Variants in INSR observed in about 807,000 individuals in gnomAD.
The protein encoded by INSR is IR.
Under a neutral mutation model 142.6 loss-of-function variants are expected in INSR, and 67 were observed. The observed-to-expected ratio is 0.47, with a 90% CI of 0.39 to 0.58. The LOEUF (loss-of-function observed/expected upper bound fraction) is 0.58, where lower values mean the gene tolerates loss of function less well. INSR is among the 20% of genes least tolerant of loss of function. INSR has a pLI of 0.00. For missense variants in INSR, 1,248 were observed against 1,833.2 expected (o/e 0.68, Z 5.83); for synonymous variants, 756 against 743.1 (o/e 1.02, Z -0.28).
chr19:7,143,345 T>C (rs991031080), intron 11 of INSR, among the ~76,000 whole-genome samples: 8 of 152,100 alleles, frequency 5.3e-5, no homozygotes, highest in Non-Finnish European at 1.2e-4. Flanking sequence ...CCGTCAATGG[T>C]AGACACACAC....
At chr19:7,283,065 C>T (rs549642592) in intron 1 of INSR, among the ~76,000 whole-genome samples, 10 of 151,764 alleles carry the variant, frequency 6.6e-5, no homozygotes, top group Admixed American at 2.0e-4. Flanking sequence ...TGGTAGCACA[C>T]GCCTGTAGTG....
At chr19:7,142,748 G>C in intron 12 of INSR, 68 bp downstream of exon 12, 1 of 1,569,732 alleles carries the variant, frequency 6.4e-7, no homozygotes, top group Non-Finnish European at 8.7e-7. Flanking sequence ...TTAGAGGGTG[G>C]AGAATCTGTC....
intron 2 of INSR, among the ~76,000 whole-genome samples, chr19:7,193,486 T>A (rs1203373856): frequency 6.7e-6 from 1 of 150,116 alleles, no homozygotes; most frequent in Non-Finnish European, 1.5e-5. Flanking sequence ...CACTCCAGCC[T>A]GGCGACAGAG....
At chr19:7,249,487 G>A (rs1000639465) in intron 2 of INSR, among the ~76,000 whole-genome samples, 4 of 152,130 alleles carry the variant, frequency 2.6e-5, no homozygotes, top group Admixed American at 6.6e-5. Flanking sequence ...TTTTACCGCA[G>A]AACCGAATTC....
In INSR at chr19:7,192,293, AAAAGAAAAGAAAAG is replaced by A. The variant is rs1428320447; in HGVS notation, c.653-7670_653-7657del. On this transcript the variant is annotated intron_variant, in intron 2 of 21. Transcript: ENST00000302850. This position sits in a 1 kb window ranked among gnomAD's most constrained non-coding sequence, Gnocchi z 4.2. ...AAAAGAAAAGAAAAGAAAAGAAAAG[AAAAGAAAAGAAAAG>A]AAAAAAATCACAGGCAGCCCAGGCT... 1.5e-3 allele frequency among the ~76,000 whole-genome samples: 214 copies of A among 146,644 alleles called. No homozygotes were observed. Among genetic ancestry groups the A allele is most frequent in the African/African-American group, 5.3e-3 (204 of 38,492 alleles).
intron 2 of INSR, among the ~76,000 whole-genome samples, chr19:7,204,034 C>T (rs1229440776): frequency 1.3e-5 from 2 of 151,976 alleles, no homozygotes; most frequent in Admixed American, 1.3e-4. Context: ...AGGCTCCCGG[C>T]TCACTGCAAT....
At chr19:7,238,763 C>T (rs1976242859) in intron 2 of INSR, among the ~76,000 whole-genome samples, 1 of 151,804 alleles carries the variant, frequency 6.6e-6, no homozygotes, top group African/African-American at 2.4e-5. Context: ...CCTCCATATT[C>T]CTCACTGGAA....
intron 1 of INSR, among the ~76,000 whole-genome samples, chr19:7,269,279 C>T (rs564238873): frequency 3.9e-4 from 58 of 149,010 alleles, no homozygotes; most frequent in South Asian, 2.1e-4. Context: ...ACAATAACAA[C>T]GACAAAACAC....
rs1435870338 is a variant in INSR, at chr19:7,159,642, C to T, written c.2029+3390G>A. The stretch of plus-strand genomic sequence containing the variant: ...TTACAGCGGAGCTGATGACTGGACT[C>T]GCCCTGGAGTTATATAAAGCATCAG... On this transcript the variant is annotated intron_variant, in intron 9 of 21. Coordinates refer to ENST00000302850, the MANE Select transcript of INSR (RefSeq NM_000208.4). This position sits in a 1 kb window ranked among gnomAD's most constrained non-coding sequence, Gnocchi z 4.3. The T allele has an allele frequency of 6.6e-6, 1 of 152,122 alleles. No homozygotes were observed. Among genetic ancestry groups the T allele is most frequent in the African/African-American group, 2.4e-5 (1 of 41,406 alleles). The allele number at this position is 152,122 out of a possible 1,614,324, so 9.4% of individuals were successfully genotyped here.
chr19:7,178,296 A>G (rs1424564982), intron 3 of INSR, among the ~76,000 whole-genome samples: 1 of 149,920 alleles, frequency 6.7e-6, no homozygotes, highest in African/African-American at 2.5e-5. Context: ...ACCAGAAAGA[A>G]CAACCCTGTG....
At chr19:7,248,784 G>C (rs1168105679) in intron 2 of INSR, among the ~76,000 whole-genome samples, 8 of 83,128 alleles carry the variant, frequency 9.6e-5, no homozygotes, top group Non-Finnish European at 1.6e-4. Context: ...TTGAGACGGA[G>C]TCTCACTCTG....
chr19:7,292,510 TGACA>T (rs1332538111), intron 1 of INSR, among the ~76,000 whole-genome samples: 16 of 151,670 alleles, frequency 1.1e-4, no homozygotes, highest in African/African-American at 3.4e-4. Flanking sequence ...ATTATGTGAT[TGACA>T]GAGTCGACTC....
intron 13 of INSR, among the ~76,000 whole-genome samples, chr19:7,138,056 T>C (rs369668340): frequency 0.018 from 2,722 of 150,390 alleles, 47 homozygotes; most frequent in African/African-American, 0.043. Flanking sequence ...CTCCACCTCC[T>C]GGGTTCACGC....
At chr19:7,174,760 G>A (rs770893311) in intron 3 of INSR, 29 bp from the exon 4 acceptor site, 2 of 1,598,272 alleles carry the variant, frequency 1.3e-6, no homozygotes. Context: ...GAGAGAGAAA[G>A]AGAAAGGGGA....
At chr19:7,288,768 G>T (rs10402062) in intron 1 of INSR, among the ~76,000 whole-genome samples, 26,169 of 150,892 alleles carry the variant, frequency 0.17, 6,127 homozygotes, top group African/African-American at 0.53. Context: ...TTTGGGACCA[G>T]CCTGGCCAAT....
In INSR at chr19:7,169,576, C is replaced by CAAAAAA. The variant is rs74174872; in HGVS notation, c.1483+955_1483+960dup. Among the ~76,000 whole-genome samples, 481 of 94,736 alleles carry CAAAAAA rather than the reference C, an allele frequency of 5.1e-3. 4 individuals are homozygous for CAAAAAA. Among genetic ancestry groups the CAAAAAA allele is most frequent in the African/African-American group, 0.016 (427 of 27,464 alleles). 62.2% of individuals were successfully genotyped at this position (94,736 alleles called of 152,430 possible). On this transcript the variant is annotated intron_variant, in intron 6 of 21. Transcript: ENST00000302850. ...TGGGTGACAGAGCAAGACTCTGTCC[C>CAAAAAA]AAAAAAAAAAAAAAAAAAAAAAGAA...
At chr19:7,123,136 C>T (rs1291692092) in intron 17 of INSR, 147 bp from the exon 18 acceptor site, 9 of 660,744 alleles carry the variant, frequency 1.4e-5, no homozygotes, top group Non-Finnish European at 2.4e-5. Context: ...AGCAGACATA[C>T]CTGCCCGGAC....
At chr19:7,217,562 CT>C (rs1413637851) in intron 2 of INSR, among the ~76,000 whole-genome samples, 1 of 152,116 alleles carries the variant, frequency 6.6e-6, no homozygotes, top group Admixed American at 6.5e-5. Context: ...TATCTTTTTT[CT>C]TTTTTTCTTT....
intron 9 of INSR, among the ~76,000 whole-genome samples, chr19:7,156,134 C>A (rs1418207975): frequency 1.5e-5 from 2 of 133,824 alleles, no homozygotes; most frequent in Non-Finnish European, 3.1e-5. Flanking sequence ...GATCTTGGCT[C>A]ACTGCAGCCT....
Sources: gnomAD v4.1 joint callset for allele counts (sites outside exome capture counted in the v4.1 genomes callset) on GRCh38, gnomAD v4.1.1 for gene constraint, Gnocchi (gnomAD v3.1) non-coding constraint, MANE v1.5 for transcripts, NCBI Gene and HGNC (gene_info 2026-07-23, HGNC 2026-07-21) for gene names.